The following LRP3 variants were observed in gnomAD, a reference collection of about 807,000 sequenced individuals.
LRP3 encodes LDL receptor related protein 3, also known as low-density lipoprotein receptor-related protein 3.
In LRP3, 49 loss-of-function variants were observed where a neutral mutation model predicts 58.5. The observed-to-expected ratio is 0.84, with a 90% CI of 0.67 to 1.06. The LOEUF (loss-of-function observed/expected upper bound fraction) is 1.06, where lower values mean the gene tolerates loss of function less well. Ranked by LOEUF, LRP3 falls within the 50% of genes least tolerant of loss-of-function variation. The pLI is 0.00. For missense variants in LRP3, 1,019 were observed against 1,134.2 expected (o/e 0.90, Z 1.46); for synonymous variants, 485 against 492.2 (o/e 0.99, Z 0.20).
At chr19:33,205,154 G>T in intron 4 of LRP3, 92 bp from the exon 5 acceptor site, 1 of 1,390,126 alleles carries the variant, frequency 7.2e-7, no homozygotes. Context: ...CAGTGATGGG[G>T]AACCACCTGC....
chr19:33,201,218 T>TG (rs1031110846), intron 2 of LRP3, among the ~76,000 whole-genome samples: 4 of 152,048 alleles, frequency 2.6e-5, no homozygotes, highest in South Asian at 2.1e-4. Flanking sequence ...TGGCCGAGGC[T>TG]GGGGGGAGGG....
Position 33,206,039 on chromosome 19 carries a change from C to T in LRP3, c.1269C>T (p.Cys423=), listed in dbSNP as rs777704008. The part of the protein sequence containing the change: ...CPACPPDQYP[C]EGGSGLCYTP... ...CCTGCCCGCCCGACCAGTACCCCTG[C>T]GAGGGTGGCAGTGGTCTGTGCTACA... The change falls in exon 5 of 7, where the codon TGC becomes TGT. Residue 423 remains cysteine, a synonymous_variant. Coordinates refer to ENST00000253193, the MANE Select transcript of LRP3 (RefSeq NM_002333.4). The T allele has an allele frequency of 6.9e-6, 11 of 1,595,322 alleles. No homozygotes were observed. The highest frequency in any genetic ancestry group is 1.7e-5 in the Admixed American group (1 of 57,324).
chr19:33,204,660 G>T lies in LRP3; in HGVS notation c.283G>T (p.Glu95Ter). 1.2e-6 allele frequency: 2 copies of T among 1,607,002 alleles called. No homozygotes were observed. The highest frequency in any genetic ancestry group is 1.1e-5 in the South Asian group (1 of 91,066). The change falls in exon 4 of 7, where the codon GAG becomes TAG. Residue 95 changes from glutamate (E) to a stop codon, truncating the protein, a stop_gained. Transcript: ENST00000253193. LOFTEE classifies it high-confidence loss of function. ...CAGCTTCCGCAACTTTGACGTGGAG[G>T]AGTCCCACCAGTGCTCCCTGGACTG... is the stretch of plus-strand genomic sequence containing the variant. ...TISFRNFDVE[E>*]SHQCSLDWLL...
rs940832283 is a variant in LRP3 at position 33,207,042 on chromosome 19, GCCTCCCGCCGGGGGC to G, written c.1791_1805del (p.Gly598_Arg602del). 6.8e-7 allele frequency: 1 copy of G among 1,478,806 alleles called. No individual in the cohort carries two copies. The highest frequency in any genetic ancestry group is 1.4e-5 in the African/African-American group (1 of 69,356). The allele number at this position is 1,478,806 out of a possible 1,614,324, so 91.6% of individuals were successfully genotyped here. ...CATGCGGAGACAGATGCGTCGGCAC[GCCTCCCGCCGGGGGC>G]CCTCCCGCCGCCGCCTCGGCCGCCT... On this transcript the variant is annotated inframe_deletion, in exon 7 of 7. Coordinates refer to ENST00000253193, the MANE Select transcript of LRP3 (RefSeq NM_002333.4).
chr19:33,199,411 T>G (rs1370770045), intron 2 of LRP3, among the ~76,000 whole-genome samples: 1 of 150,148 alleles, frequency 6.7e-6, no homozygotes, highest in Non-Finnish European at 1.5e-5. Flanking sequence ...AAGTTAAGGC[T>G]GCAGTGAGCT....
rs1568382754 is a variant in LRP3 at position 33,204,626 on chromosome 19, G to A, written c.261-12G>A. ...ACTGCCTCATGTCTGGGTCCTCTCC[G>A]CCCCCCCGCAGCTTCCGCAACTTTG... On this transcript the variant is annotated splice_polypyrimidine_tract_variant and intron_variant, in intron 3 of 6. Coordinates refer to ENST00000253193, the MANE Select transcript of LRP3 (RefSeq NM_002333.4). 9 of 1,589,250 alleles carry A rather than the reference G, an allele frequency of 5.7e-6. No homozygotes were observed. The highest frequency in any genetic ancestry group is 1.3e-5 in the African/African-American group (1 of 74,614).
rs755195131 is a variant in LRP3, at chr19:33,207,061, CCCG to C, written c.1808_1810del (p.Arg603del). On this transcript the variant is annotated inframe_deletion, in exon 7 of 7. Coordinates refer to ENST00000253193, the MANE Select transcript of LRP3 (RefSeq NM_002333.4). The stretch of plus-strand genomic sequence containing the variant: ...CGGCACGCCTCCCGCCGGGGGCCCT[CCCG>C]CCGCCGCCTCGGCCGCCTCTGGAAC... 2.0e-6 allele frequency: 3 copies of C among 1,489,514 alleles called. No individual in the cohort carries two copies. The highest frequency in any genetic ancestry group is 2.7e-5 in the South Asian group (2 of 74,756). The allele number at this position is 1,489,514 out of a possible 1,614,324, so 92.3% of individuals were successfully genotyped here.
In LRP3 at chr19:33,207,066, C is replaced by T. The variant is rs755208409; in HGVS notation, c.1804C>T (p.Arg602Cys). The part of the protein sequence containing the change: ...RHASRRGPSR[R>C]RLGRLWNRLF... ...CGCCTCCCGCCGGGGGCCCTCCCGC[C>T]GCCGCCTCGGCCGCCTCTGGAACCG... The change falls in exon 7 of 7, where the codon CGC (arginine) becomes TGC (cysteine). Residue 602 changes from arginine (R) to cysteine (C), a missense_variant. Physicochemically the swap from Arg to Cys is radical, Grantham distance 180. Around this residue, in one of 2 missense-constraint regions of LRP3, gnomAD observed 427 missense variants for 408.6 expected, o/e 1.04. Transcript: ENST00000253193. 1.0e-5 allele frequency: 15 copies of T among 1,493,024 alleles called. No individual in the cohort carries two copies. The highest frequency in any genetic ancestry group is 2.9e-5 in the African/African-American group (2 of 69,906). 92.5% of individuals were successfully genotyped at this position (1,493,024 alleles called of 1,614,324 possible).
At position 33,205,292 on chromosome 19, in the gene LRP3, C is replaced by G. The variant is rs536128072; in HGVS notation, c.522C>G (p.Asp174Glu). Residue 174 changes from aspartate to glutamate, a missense_variant, in exon 5 of 7, where the codon GAC becomes GAG. Asp to Glu is a conservative substitution (Grantham distance 45). Coordinates refer to ENST00000253193, the MANE Select transcript of LRP3 (RefSeq NM_002333.4). The stretch of plus-strand genomic sequence containing the variant: ...GCCAGGCAGATGAGTTCCGCTGTGA[C>G]AACGGCAAGTGCCTGCCCGGCCCGT... ...ASCQADEFRC[D>E]NGKCLPGPWQ... is the part of the protein sequence containing the mutation. The G allele has an allele frequency of 6.8e-6, 11 of 1,611,090 alleles. No homozygotes were observed. In the African/African-American group the frequency reaches 8.0e-5, roughly 12 times the overall value.
intron 3 of LRP3, 128 bp downstream of exon 3, chr19:33,203,114 T>C: frequency 8.6e-7 from 1 of 1,165,410 alleles, no homozygotes; most frequent in Non-Finnish European, 1.2e-6. Flanking sequence ...TGAGCAGGTG[T>C]GGGATCATGT....
intron 3 of LRP3, chr19:33,204,402 T>C (rs1014734900): frequency 3.5e-5 from 20 of 569,116 alleles, no homozygotes; most frequent in African/African-American, 3.0e-4. Context: ...ATGACCTGCG[T>C]GGATGTCGCA....
chr19:33,206,432 G>A, intron 5 of LRP3, 70 bp downstream of exon 5: 15 of 1,596,686 alleles, frequency 9.4e-6, no homozygotes, highest in Non-Finnish European at 1.2e-5. Flanking sequence ...CCGTAGCTGT[G>A]GGTTTGCAAA....
intron 2 of LRP3, among the ~76,000 whole-genome samples, chr19:33,202,059 C>T (rs984079740): frequency 6.6e-6 from 1 of 152,216 alleles, no homozygotes; most frequent in South Asian, 2.1e-4. Flanking sequence ...ATTCCTGACT[C>T]TGCCCCTCCC....
intron 2 of LRP3, among the ~76,000 whole-genome samples, chr19:33,201,073 G>A (rs1021152149): frequency 1.3e-5 from 2 of 152,192 alleles, no homozygotes; most frequent in East Asian, 1.9e-4. Context: ...AGATGGACCC[G>A]TCCACTCAGG....
intron 4 of LRP3, 179 bp from the exon 5 acceptor site, chr19:33,205,067 C>T: frequency 1.3e-6 from 1 of 783,064 alleles, no homozygotes; most frequent in Middle Eastern, 3.7e-4. Context: ...CTTGGCTAGT[C>T]CTGGGAACTC....
intron 2 of LRP3, among the ~76,000 whole-genome samples, chr19:33,199,267 C>A (rs1372667281): frequency 1.3e-5 from 2 of 152,276 alleles, no homozygotes; most frequent in East Asian, 1.9e-4. Context: ...CATTGGCAAC[C>A]CCTGACCCTG....
At position 33,207,066 on chromosome 19, in the gene LRP3, C is replaced by CGCCGCCTCG. The variant is rs1473681108; in HGVS notation, c.1813_1821dup (p.Gly605_Leu607dup). The CGCCGCCTCG allele has an allele frequency of 4.7e-6, 7 of 1,493,140 alleles. No individual in the cohort carries two copies. The East Asian group carries it at 1.3e-4, about 27-fold the overall frequency. The allele number at this position is 1,493,140 out of a possible 1,614,324, so 92.5% of individuals were successfully genotyped here. The stretch of plus-strand genomic sequence containing the variant: ...CGCCTCCCGCCGGGGGCCCTCCCGC[C>CGCCGCCTCG]GCCGCCTCGGCCGCCTCTGGAACCG... On this transcript the variant is annotated inframe_insertion, in exon 7 of 7. Coordinates refer to ENST00000253193, the MANE Select transcript of LRP3 (RefSeq NM_002333.4).
chr19:33,205,287 T>G lies in LRP3; in HGVS notation c.517T>G (p.Cys173Gly). ...QASCQADEFR[C>G]DNGKCLPGPW... ...ATCCTGCCAGGCAGATGAGTTCCGC[T>G]GTGACAACGGCAAGTGCCTGCCCGG... Residue 173 changes from cysteine to glycine, a missense_variant, in exon 5 of 7, where the codon TGT (cysteine) becomes GGT (glycine). Coordinates refer to ENST00000253193, the MANE Select transcript of LRP3 (RefSeq NM_002333.4). 6.2e-7 allele frequency: 1 copy of G among 1,610,912 alleles called. No homozygotes were observed. The highest frequency in any genetic ancestry group is 8.5e-7 in the Non-Finnish European group (1 of 1,179,086).
At chr19:33,199,766 G>A (rs1456469992) in intron 2 of LRP3, among the ~76,000 whole-genome samples, 3 of 152,216 alleles carry the variant, frequency 2.0e-5, no homozygotes, top group Non-Finnish European at 4.4e-5. Flanking sequence ...GATGTGGCTG[G>A]TGGCCTCCCA....
Sources: gnomAD v4.1 joint callset for allele counts (sites outside exome capture counted in the v4.1 genomes callset) on GRCh38, gnomAD v4.1.1 for gene constraint, gnomAD v4.1.1 regional missense constraint, MANE v1.5 for transcripts, NCBI Gene and HGNC (gene_info 2026-07-23, HGNC 2026-07-21) for gene names.